The following MSI2 variants were observed in gnomAD, a reference collection of about 807,000 sequenced individuals.
The protein encoded by MSI2 is RNA-binding protein Musashi homolog 2.
A neutral mutation model predicts 45.6 loss-of-function variants in MSI2; 17 were observed. That is an observed-to-expected ratio of 0.37 (90% confidence interval 0.26 to 0.56). The LOEUF (loss-of-function observed/expected upper bound fraction) is 0.56. Ranked by LOEUF, MSI2 falls within the 20% of genes least tolerant of loss-of-function variation. The probability of loss-of-function intolerance (pLI) is 0.77; values close to 1 mark genes in which losing one functional copy is unlikely to be tolerated. For synonymous variants in MSI2, 156 were observed against 158.2 expected, an observed-to-expected ratio of 0.99 and a Z score of 0.11; for missense variants, 293 against 444.2, an observed-to-expected ratio of 0.66 and a Z score of 3.06.
intron 5 of MSI2, among the ~76,000 whole-genome samples, chr17:57,323,383 G>A (rs12950053): frequency 0.62 from 93,780 of 152,150 alleles, 33,020 homozygotes; most frequent in Middle Eastern, 0.79. Flanking sequence ...GAAGCACCTT[G>A]GGTTTTCCCT....
chr17:57,470,001 C>T (rs1472890677), intron 6 of MSI2, among the ~76,000 whole-genome samples: 1 of 152,212 alleles, frequency 6.6e-6, no homozygotes, highest in Non-Finnish European at 1.5e-5. Context: ...TCCCACCTCT[C>T]CCCTTTCTCT....
the MSI2 span, among the ~76,000 whole-genome samples, chr17:57,695,356 C>A: frequency 1.3e-5 from 2 of 152,162 alleles, no homozygotes; most frequent in African/African-American, 4.8e-5. Context: ...TGCCCTGCCC[C>A]TTTCCTGGGG....
intron 5 of MSI2, among the ~76,000 whole-genome samples, chr17:57,359,621 A>G (rs1052356808): frequency 2.0e-5 from 3 of 152,204 alleles, no homozygotes; most frequent in Non-Finnish European, 4.4e-5. Flanking sequence ...TGCATCTGCC[A>G]TCCAGTGGCT....
intron 5 of MSI2, among the ~76,000 whole-genome samples, chr17:57,375,469 G>GA: frequency 6.6e-6 from 1 of 152,326 alleles, no homozygotes; most frequent in East Asian, 1.9e-4. Flanking sequence ...CAATTTCTGA[G>GA]CGAGTAGAAA....
intron 5 of MSI2, among the ~76,000 whole-genome samples, chr17:57,392,768 G>A (rs939793111): frequency 3.9e-5 from 6 of 152,092 alleles, no homozygotes; most frequent in African/African-American, 4.8e-5. Context: ...GAGACGAAGC[G>A]GTGGGAATGG....
chr17:57,507,275 G>C (rs1465800723), intron 6 of MSI2, among the ~76,000 whole-genome samples: 2 of 134,292 alleles, frequency 1.5e-5, no homozygotes, highest in African/African-American at 2.8e-5. Context: ...GTGTGTGTGT[G>C]TGTGTCTCCC....
chr17:57,376,462 G>A (rs1364394771), intron 5 of MSI2, among the ~76,000 whole-genome samples: 1 of 152,166 alleles, frequency 6.6e-6, no homozygotes. Context: ...CGCCTAGGTA[G>A]GGAGCCCCTG....
intron 5 of MSI2, among the ~76,000 whole-genome samples, chr17:57,376,339 A>G (rs1441094663): frequency 6.6e-6 from 1 of 152,228 alleles, no homozygotes; most frequent in African/African-American, 2.4e-5. Context: ...CCAAGTAGCC[A>G]GCAGACAGCA....
At chr17:57,525,451 A>C (rs1406529978) in intron 6 of MSI2, among the ~76,000 whole-genome samples, 1 of 152,046 alleles carries the variant, frequency 6.6e-6, no homozygotes, top group African/African-American at 2.4e-5. Context: ...TGCCTGGCTA[A>C]GTTTTTAGTA....
At chr17:57,471,094 C>G (rs1057257976) in intron 6 of MSI2, among the ~76,000 whole-genome samples, 1 of 152,074 alleles carries the variant, frequency 6.6e-6, no homozygotes, top group African/African-American at 2.4e-5. Context: ...GCATGTAACC[C>G]TGGGGGTGGT....
At chr17:57,534,150 G>A (rs1012733861) in intron 7 of MSI2, among the ~76,000 whole-genome samples, 1 of 152,270 alleles carries the variant, frequency 6.6e-6, no homozygotes, top group Non-Finnish European at 1.5e-5. Flanking sequence ...TCACACTGGT[G>A]AAAGCAGAGC....
At chr17:57,613,634 G>C (rs4793876) in intron 8 of MSI2, among the ~76,000 whole-genome samples, 93,849 of 151,744 alleles carry the variant, frequency 0.62, 29,172 homozygotes, top group Non-Finnish European at 0.63. Context: ...ACACTATACC[G>C]TCAGAAACCC....
At chr17:57,327,671 C>A (rs1309689424) in intron 5 of MSI2, among the ~76,000 whole-genome samples, 2 of 152,154 alleles carry the variant, frequency 1.3e-5, no homozygotes, top group Admixed American at 6.5e-5. Flanking sequence ...GTCTCTTTCA[C>A]CAGTTAGTGT....
chr17:57,539,915 G>A (rs2087006354), intron 7 of MSI2, among the ~76,000 whole-genome samples: 1 of 152,192 alleles, frequency 6.6e-6, no homozygotes, highest in African/African-American at 2.4e-5. Context: ...ACCTTACACA[G>A]CGTGGCAAAT....
intron 6 of MSI2, among the ~76,000 whole-genome samples, chr17:57,466,580 A>G (rs1567840956): frequency 6.6e-6 from 1 of 152,236 alleles, no homozygotes; most frequent in East Asian, 1.9e-4. Context: ...ATAAAATATA[A>G]TCAAAAAGCT....
intron 7 of MSI2, among the ~76,000 whole-genome samples, chr17:57,584,852 C>T (rs1052314317): frequency 6.6e-6 from 1 of 151,216 alleles, no homozygotes; most frequent in African/African-American, 2.4e-5. Context: ...GTTGGGGTCT[C>T]GCTCTGTCAC....
At chr17:57,507,255 G>C (rs1161181307) in intron 6 of MSI2, among the ~76,000 whole-genome samples, 3 of 150,322 alleles carry the variant, frequency 2.0e-5, no homozygotes, top group Admixed American at 1.3e-4. Flanking sequence ...GTGTGTGTGT[G>C]TGTGTGTGTG....
intron 5 of MSI2, among the ~76,000 whole-genome samples, chr17:57,355,647 C>T (rs1205384764): frequency 2.6e-5 from 4 of 152,188 alleles, no homozygotes; most frequent in Admixed American, 2.6e-4. Context: ...TTCTTTTGCT[C>T]TGAGGGTTGG....
At chr17:57,466,167 A>G (rs1019500951) in intron 6 of MSI2, among the ~76,000 whole-genome samples, 1 of 152,094 alleles carries the variant, frequency 6.6e-6, no homozygotes, top group Non-Finnish European at 1.5e-5. Flanking sequence ...GTCACTCTTC[A>G]TTTCTCAATT....
Sources: allele counts gnomAD v4.1 joint callset (sites outside exome capture counted in the v4.1 genomes callset), GRCh38; gene constraint gnomAD v4.1.1; transcripts MANE v1.5; gene names NCBI Gene and HGNC (gene_info 2026-07-23, HGNC 2026-07-21).